The following TMCO5A variants were observed in gnomAD, a reference collection of about 807,000 sequenced individuals.
TMCO5A encodes the protein transmembrane and coiled-coil domain-containing protein 5A.
In TMCO5A, 34 loss-of-function variants were observed where a neutral mutation model predicts 42.3. The observed-to-expected ratio is 0.80, with a 90% confidence interval of 0.61 to 1.07. The LOEUF is 1.07. Among genes scored for constraint, TMCO5A ranks in the 50% least tolerant of loss-of-function variants. The pLI, the probability that TMCO5A is intolerant of heterozygous loss-of-function variation, is 0.00. For synonymous variants in TMCO5A, 131 were observed against 115.6 expected (o/e 1.13, Z -0.86); for missense variants, 357 against 327.9 (o/e 1.09, Z -0.69).
the TMCO5A span, among the ~76,000 whole-genome samples, chr15:38,005,048 G>A: frequency 6.6e-6 from 1 of 152,040 alleles, no homozygotes; most frequent in Non-Finnish European, 1.5e-5. Context: ...TATTAACAGA[G>A]TACAGGTCTG....
intron 11 of TMCO5A, among the ~76,000 whole-genome samples, chr15:37,965,068 A>G (rs2959337): frequency 0.95 from 144,951 of 152,166 alleles, 69,442 homozygotes; most frequent in East Asian, 1. Context: ...AAACAGACAC[A>G]TATACCAATG....
chr15:37,937,628 A>G (rs1889568020), intron 5 of TMCO5A, among the ~76,000 whole-genome samples: 1 of 151,938 alleles, frequency 6.6e-6, no homozygotes, highest in Admixed American at 6.6e-5. Flanking sequence ...TAGTAATCTC[A>G]TGGGTTCTTC....
At chr15:38,024,122 G>A in the TMCO5A span, among the ~76,000 whole-genome samples, 7 of 152,224 alleles carry the variant, frequency 4.6e-5, no homozygotes, top group Non-Finnish European at 1.0e-4. Context: ...ATCAGCTGGA[G>A]AGAAGGGACA....
chr15:38,011,939 A>G, the TMCO5A span, among the ~76,000 whole-genome samples: 1 of 152,096 alleles, frequency 6.6e-6, no homozygotes, highest in Non-Finnish European at 1.5e-5. Flanking sequence ...CCTGGCTCAC[A>G]TGGTGAAATC....
chr15:37,951,038 T>A lies in TMCO5A; in HGVS notation c.671T>A (p.Ile224Asn). The A allele has an allele frequency of 6.2e-7, 1 of 1,610,986 alleles. No individual in the cohort carries two copies. Among genetic ancestry groups the A allele is most frequent in the Non-Finnish European group, 8.5e-7 (1 of 1,179,466 alleles). ...QKTARLFSKK[I>N]FCCLFFITLF... ...GTTTCATGGCATTCTCTTTTTAGGA[T>A]TTTTTGCTGTCTCTTTTTCATCACC... is the stretch of plus-strand genomic sequence containing the variant. The change falls in exon 12 of 12, where the codon ATT becomes AAT. Residue 224 changes from isoleucine to asparagine, a missense_variant and splice_region_variant. Physicochemically the swap from Ile to Asn is moderately radical, Grantham distance 149 (BLOSUM62 -3). Transcript: ENST00000319669.
the TMCO5A span, among the ~76,000 whole-genome samples, chr15:38,032,914 G>A: frequency 6.8e-6 from 1 of 146,230 alleles, no homozygotes; most frequent in Non-Finnish European, 1.5e-5. Context: ...TCTTTGTCAT[G>A]AAATTTGGTC....
At chr15:37,959,661 G>C (rs1211533405) in intron 11 of TMCO5A, among the ~76,000 whole-genome samples, 1 of 151,838 alleles carries the variant, frequency 6.6e-6, no homozygotes, top group African/African-American at 2.4e-5. Flanking sequence ...AGCCCTCAAA[G>C]AACTGGAGAT....
chr15:37,987,626 T>A, the TMCO5A span, among the ~76,000 whole-genome samples: 1 of 151,958 alleles, frequency 6.6e-6, no homozygotes, highest in Non-Finnish European at 1.5e-5. Context: ...ATACTAACCT[T>A]TCCCCCAGTG....
intron 11 of TMCO5A, among the ~76,000 whole-genome samples, chr15:37,966,387 T>C (rs1403061828): frequency 6.6e-6 from 1 of 152,130 alleles, no homozygotes; most frequent in Admixed American, 6.6e-5. Context: ...GTATAATTGG[T>C]TTGTAAATAC....
At chr15:37,966,474 A>C (rs139138090) in intron 11 of TMCO5A, 1 of 632,820 alleles carries the variant, frequency 1.6e-6, no homozygotes, top group Non-Finnish European at 2.8e-6. Context: ...CTGTTTCAAA[A>C]CATCTCATAT....
intron 11 of TMCO5A, among the ~76,000 whole-genome samples, chr15:37,960,773 G>T (rs1890403802): frequency 6.6e-6 from 1 of 152,050 alleles, no homozygotes; most frequent in Non-Finnish European, 1.5e-5. Flanking sequence ...GCATTTCCTT[G>T]ATCATTAGTG....
intron 6 of TMCO5A, among the ~76,000 whole-genome samples, chr15:37,938,763 GA>G (rs552236870): frequency 1.1e-3 from 160 of 152,122 alleles, no homozygotes; most frequent in Non-Finnish European, 1.8e-3. Flanking sequence ...TTCCAATCTA[GA>G]AAAGGGTTCA....
chr15:37,995,138 AAAT>A, the TMCO5A span, among the ~76,000 whole-genome samples: 1 of 152,090 alleles, frequency 6.6e-6, no homozygotes, highest in Admixed American at 6.5e-5. Flanking sequence ...GCCAATCTGG[AAAT>A]GAGGAAAAAC....
chr15:38,020,878 T>G, the TMCO5A span, among the ~76,000 whole-genome samples: 2 of 152,242 alleles, frequency 1.3e-5, no homozygotes, highest in East Asian at 3.9e-4. Context: ...TTAGGTAAAC[T>G]TTGTTGGTTT....
Position 37,943,436 on chromosome 15 carries a change from C to T in TMCO5A, c.627+38C>T, listed in dbSNP as rs75137418. Reference sequence around the variant, plus strand: ...TTCTCTCTTCAGCTCCTCACAGTGTCATTGCCTTTCAAAGCCATCTCCAGC... The same window carrying T: ...TTCTCTCTTCAGCTCCTCACAGTGTTATTGCCTTTCAAAGCCATCTCCAGC... On this transcript the variant is annotated intron_variant, in intron 10 of 11. Transcript: ENST00000319669. 4,556 of 1,600,510 alleles carry T rather than the reference C, an allele frequency of 2.8e-3. 130 individuals are homozygous for T. The African/African-American group carries it at 0.051, about 18-fold the overall frequency.
chr15:37,935,844 T>C (rs1197436784), intron 2 of TMCO5A, among the ~76,000 whole-genome samples: 1 of 152,002 alleles, frequency 6.6e-6, no homozygotes, highest in Non-Finnish European at 1.5e-5. Flanking sequence ...AAGGGAAAGA[T>C]TGAAGCCCTA....
chr15:38,017,746 A>AT, the TMCO5A span, among the ~76,000 whole-genome samples: 217 of 152,246 alleles, frequency 1.4e-3, 5 homozygotes, highest in South Asian at 0.042. Context: ...CTGAAAAGCA[A>AT]GGAGGCCTGC....
intron 11 of TMCO5A, among the ~76,000 whole-genome samples, chr15:37,961,852 T>C (rs546085488): frequency 6.6e-6 from 1 of 152,226 alleles, no homozygotes; most frequent in African/African-American, 2.4e-5. Context: ...TCACTGTTGG[T>C]ATATAGAAGA....
At chr15:38,010,456 CAG>C in the TMCO5A span, among the ~76,000 whole-genome samples, 303 of 145,404 alleles carry the variant, frequency 2.1e-3, 2 homozygotes, top group East Asian at 0.033. Context: ...CACACACACA[CAG>C]GAAGGGGCCA....
Sources: allele counts gnomAD v4.1 joint callset (sites outside exome capture counted in the v4.1 genomes callset), GRCh38; gene constraint gnomAD v4.1.1; transcripts MANE v1.5; gene names NCBI Gene and HGNC (gene_info 2026-07-23, HGNC 2026-07-21).